CHST9: variants seen among roughly 807,000 people sequenced by gnomAD.
CHST9 encodes the protein GalNAc-4-sulfotransferase 2.
CHST9 carries 41 observed loss-of-function variants against 44.4 expected under a neutral mutation model. The ratio of observed to expected loss-of-function variants is 0.92; its 90% confidence interval spans 0.72 to 1.20. CHST9 has a LOEUF of 1.20. Ranked by LOEUF, CHST9 falls within the 50% of genes most tolerant of loss-of-function variation. The pLI is 0.00. For synonymous variants in CHST9, 171 were observed against 178.4 expected (o/e 0.96, Z 0.33); for missense variants, 504 against 516.5 (o/e 0.98, Z 0.23).
At chr18:27,159,280 T>G (rs2058725382) in intron 1 of CHST9, among the ~76,000 whole-genome samples, 1 of 152,216 alleles carries the variant, frequency 6.6e-6, no homozygotes, top group Non-Finnish European at 1.5e-5. Flanking sequence ...TGAATTAATT[T>G]TTGTATAAGG....
chr18:27,009,181 T>C (rs148727132), intron 4 of CHST9, among the ~76,000 whole-genome samples: 286 of 152,268 alleles, frequency 1.9e-3, no homozygotes, highest in Non-Finnish European at 2.6e-3. Flanking sequence ...TCTTTAATGT[T>C]GAAAAGGATC....
At chr18:27,079,025 T>A (rs1324522010) in intron 2 of CHST9, among the ~76,000 whole-genome samples, 1 of 152,188 alleles carries the variant, frequency 6.6e-6, no homozygotes, top group Non-Finnish European at 1.5e-5. Context: ...GTCCTGTGCA[T>A]GCTTGGGGTC....
chr18:26,945,908 T>C (rs1231112949), intron 4 of CHST9, among the ~76,000 whole-genome samples: 2 of 152,204 alleles, frequency 1.3e-5, no homozygotes, highest in Admixed American at 6.5e-5. Flanking sequence ...ATAATAAGTA[T>C]ACTTAAAAAT....
At chr18:27,093,379 G>A (rs565006634) in intron 2 of CHST9, among the ~76,000 whole-genome samples, 18 of 152,372 alleles carry the variant, frequency 1.2e-4, no homozygotes, top group African/African-American at 4.3e-4. Flanking sequence ...AGTAGGCCTT[G>A]TTGAGCTGTG....
chr18:27,124,015 C>G (rs1324387119), intron 2 of CHST9, among the ~76,000 whole-genome samples: 2 of 152,148 alleles, frequency 1.3e-5, no homozygotes, highest in Non-Finnish European at 2.9e-5. Context: ...AAGGAGCTGA[C>G]AGAAAGGAAA....
chr18:27,057,725 A>G (rs1279759034), intron 2 of CHST9, among the ~76,000 whole-genome samples: 1 of 151,780 alleles, frequency 6.6e-6, no homozygotes, highest in African/African-American at 2.4e-5. Context: ...GGCAGGGCTG[A>G]CTCTCCATCT....
chr18:26,993,052 G>A (rs1462480159), intron 4 of CHST9, among the ~76,000 whole-genome samples: 2 of 152,130 alleles, frequency 1.3e-5, no homozygotes, highest in Non-Finnish European at 2.9e-5. Flanking sequence ...TTGTCTACTA[G>A]GCATGATAAT....
intron 2 of CHST9, among the ~76,000 whole-genome samples, chr18:27,127,302 TGA>T (rs1312759535): frequency 6.6e-6 from 1 of 152,154 alleles, no homozygotes; most frequent in Admixed American, 6.5e-5. Flanking sequence ...AAGAGCAAAC[TGA>T]GAGTGCAGCC....
intron 3 of CHST9, among the ~76,000 whole-genome samples, chr18:27,034,826 G>T (rs1398616311): frequency 6.6e-6 from 1 of 152,050 alleles, no homozygotes; most frequent in East Asian, 1.9e-4. Context: ...TCTTCTGATG[G>T]GATAATTACC....
intron 4 of CHST9, among the ~76,000 whole-genome samples, chr18:26,956,579 G>A (rs1246258867): frequency 2.6e-5 from 4 of 151,556 alleles, no homozygotes; most frequent in Non-Finnish European, 5.9e-5. Flanking sequence ...TCTTGCTTAT[G>A]GATAGCCTTA....
intron 1 of CHST9, among the ~76,000 whole-genome samples, chr18:27,169,142 CAG>C (rs1319213509): frequency 2.0e-5 from 3 of 152,142 alleles, no homozygotes; most frequent in South Asian, 2.1e-4. Context: ...ATATTCTCAG[CAG>C]AGAGTCCACT....
chr18:26,929,252 C>A (rs566943087), intron 5 of CHST9, among the ~76,000 whole-genome samples: 1 of 152,338 alleles, frequency 6.6e-6, no homozygotes, highest in South Asian at 2.1e-4. Context: ...GCAATCCTAA[C>A]TTTGGGCAGG....
chr18:27,027,674 C>T (rs2057297457), intron 3 of CHST9, among the ~76,000 whole-genome samples: 1 of 152,048 alleles, frequency 6.6e-6, no homozygotes, highest in African/African-American at 2.4e-5. Flanking sequence ...CATAAGAATC[C>T]CATGGAAATA....
chr18:27,032,409 G>A (rs926469043), intron 3 of CHST9, among the ~76,000 whole-genome samples: 14 of 152,202 alleles, frequency 9.2e-5, no homozygotes, highest in Non-Finnish European at 2.1e-4. Context: ...CAGAAAAAGA[G>A]TAATACTACT....
chr18:26,976,102 G>A (rs1023186798), intron 4 of CHST9, among the ~76,000 whole-genome samples: 2 of 151,830 alleles, frequency 1.3e-5, no homozygotes, highest in African/African-American at 4.8e-5. Flanking sequence ...CTCAACAGGA[G>A]GACTAAATAA....
chr18:26,917,386 A>G lies in CHST9; in HGVS notation c.241-36T>C, dbSNP rs186777689. 2.2e-3 allele frequency: 3,528 copies of G among 1,588,606 alleles called. 14 individuals carry two copies. Among genetic ancestry groups the G allele is most frequent in the South Asian group, 6.3e-3 (550 of 86,946 alleles). On this transcript the variant is annotated intron_variant, in intron 5 of 5. Coordinates refer to ENST00000618847, the MANE Select transcript of CHST9 (RefSeq NM_031422.6). ...AAAGAAGGAGAAATGTTGAAAGCAC[A>G]GTCACGAGTGTGGGTATACTGGATA...
chr18:27,164,657 G>C (rs2058776189), intron 1 of CHST9, among the ~76,000 whole-genome samples: 1 of 152,116 alleles, frequency 6.6e-6, no homozygotes, highest in Non-Finnish European at 1.5e-5. Flanking sequence ...AATACACTAT[G>C]GGACATTGTC....
chr18:26,956,326 AATAT>A (rs71169902), intron 4 of CHST9, among the ~76,000 whole-genome samples: 1 of 125,718 alleles, frequency 8.0e-6, no homozygotes, highest in South Asian at 2.4e-4. Flanking sequence ...AAAAAAAAAA[AATAT>A]ATATATATAT....
chr18:26,965,022 C>T (rs553692133), intron 4 of CHST9, among the ~76,000 whole-genome samples: 73 of 152,280 alleles, frequency 4.8e-4, no homozygotes, highest in African/African-American at 1.7e-3. Flanking sequence ...TGTCCAGAAT[C>T]GTGATTTATT....
Sources: allele counts gnomAD v4.1 joint callset (sites outside exome capture counted in the v4.1 genomes callset), GRCh38; gene constraint gnomAD v4.1.1; transcripts MANE v1.5; gene names NCBI Gene and HGNC (gene_info 2026-07-23, HGNC 2026-07-21).